MAP3K20: variants seen among roughly 807,000 people sequenced by gnomAD.
MAP3K20 encodes the protein mitogen-activated protein kinase kinase kinase 20, also known as HCCS-4.
A neutral mutation model predicts 85.7 loss-of-function variants in MAP3K20; 40 were observed. The observed-to-expected ratio is 0.47, with a 90% confidence interval of 0.36 to 0.61. The LOEUF (loss-of-function observed/expected upper bound fraction) is 0.61, where lower values mean the gene tolerates loss of function less well. Ranked by LOEUF, MAP3K20 falls within the 20% of genes least tolerant of loss-of-function variation. MAP3K20 has a pLI of 0.00. For missense variants in MAP3K20, 817 were observed against 961.7 expected (o/e 0.85, Z 1.99); for synonymous variants, 325 against 327.7 (o/e 0.99, Z 0.09).
intron 2 of MAP3K20, among the ~76,000 whole-genome samples, chr2:173,098,347 C>T (rs1687524091): frequency 6.6e-6 from 1 of 152,152 alleles, no homozygotes; most frequent in African/African-American, 2.4e-5. Context: ...ATTCAAAAAG[C>T]TCCAAAATCA....
At chr2:173,141,780 T>C (rs1041771596) in intron 2 of MAP3K20, among the ~76,000 whole-genome samples, 6 of 152,018 alleles carry the variant, frequency 3.9e-5, no homozygotes, top group Non-Finnish European at 4.4e-5. Flanking sequence ...AGTCACATCA[T>C]AGTTAAACTG....
intron 16 of MAP3K20, among the ~76,000 whole-genome samples, chr2:173,255,339 C>T (rs1307024586): frequency 2.0e-5 from 3 of 152,206 alleles, no homozygotes; most frequent in East Asian, 3.9e-4. Flanking sequence ...TGCCACCTCT[C>T]CCGCTTGTCT....
intron 9 of MAP3K20, among the ~76,000 whole-genome samples, chr2:173,205,124 A>C (rs1683639669): frequency 6.7e-6 from 1 of 149,408 alleles, no homozygotes; most frequent in Non-Finnish European, 1.5e-5. Flanking sequence ...AAAAAAAAAT[A>C]AATAAATAAA....
chr2:173,075,806 G>C (rs929178351), upstream of MAP3K20: 15 of 985,394 alleles, frequency 1.5e-5, no homozygotes, highest in Middle Eastern at 1.0e-3. Flanking sequence ...CAGCCGTTTC[G>C]CGCCGGGAGG....
chr2:173,242,724 T>A (rs1209786378), intron 16 of MAP3K20, among the ~76,000 whole-genome samples: 5 of 117,604 alleles, frequency 4.3e-5, no homozygotes, highest in Non-Finnish European at 9.4e-5. Flanking sequence ...TTTTTTTTTT[T>A]AAGACAGAGT....
chr2:173,180,102 A>G (rs1294456665), intron 3 of MAP3K20, among the ~76,000 whole-genome samples: 1 of 152,204 alleles, frequency 6.6e-6, no homozygotes, highest in Non-Finnish European at 1.5e-5. Flanking sequence ...TTTTTTAGAA[A>G]TTAACAAGCC....
chr2:173,078,324 C>T (rs1353136131), intron 1 of MAP3K20, among the ~76,000 whole-genome samples: 1 of 152,130 alleles, frequency 6.6e-6, no homozygotes, highest in African/African-American at 2.4e-5. Flanking sequence ...CACTTGTTTT[C>T]CATTTTATTC....
chr2:173,197,895 C>T (rs1014751619), intron 7 of MAP3K20, 131 bp from the exon 8 acceptor site: 9 of 583,400 alleles, frequency 1.5e-5, no homozygotes, highest in Non-Finnish European at 2.2e-5. Context: ...AATTGTTTTG[C>T]CCAAGTTTCT....
intron 2 of MAP3K20, among the ~76,000 whole-genome samples, chr2:173,118,239 TA>T (rs978242646): frequency 9.9e-5 from 15 of 152,210 alleles, no homozygotes; most frequent in Non-Finnish European, 1.8e-4. Context: ...TTTAAGAAGA[TA>T]AAAATCCTAC....
chr2:173,258,032 C>T (rs1000979318), intron 16 of MAP3K20, among the ~76,000 whole-genome samples: 2 of 152,132 alleles, frequency 1.3e-5, no homozygotes, highest in Admixed American at 1.3e-4. Context: ...ATTAAAGGAC[C>T]TAGCAAAACT....
chr2:173,097,532 A>G (rs771047973), intron 2 of MAP3K20, among the ~76,000 whole-genome samples: 33 of 152,294 alleles, frequency 2.2e-4, no homozygotes, highest in Middle Eastern at 3.4e-3. Context: ...TTGATACTCA[A>G]TTGAATCAAA....
chr2:173,178,007 GAA>G (rs1690214322), intron 3 of MAP3K20, among the ~76,000 whole-genome samples: 1 of 151,964 alleles, frequency 6.6e-6, no homozygotes, highest in Non-Finnish European at 1.5e-5. Flanking sequence ...ACAGAAAACA[GAA>G]AAGCAATAGC....
intron 1 of MAP3K20, among the ~76,000 whole-genome samples, chr2:173,077,174 T>C (rs1686886414): frequency 6.6e-6 from 1 of 152,156 alleles, no homozygotes; most frequent in Non-Finnish European, 1.5e-5. Context: ...TGTTGAAAAC[T>C]GTACTCCTTC....
chr2:173,193,535 T>C (rs569701425), intron 7 of MAP3K20, among the ~76,000 whole-genome samples: 1 of 152,260 alleles, frequency 6.6e-6, no homozygotes, highest in African/African-American at 2.4e-5. Context: ...TGAGATGAAG[T>C]ACAATCTTAG....
chr2:173,161,104 G>T (rs139947559), intron 2 of MAP3K20, among the ~76,000 whole-genome samples: 17 of 152,120 alleles, frequency 1.1e-4, no homozygotes, highest in Non-Finnish European at 2.2e-4. Context: ...TTAAGTACAC[G>T]GCAAAGAAAA....
intron 7 of MAP3K20, among the ~76,000 whole-genome samples, chr2:173,194,775 T>A (rs1041064057): frequency 8.6e-5 from 13 of 151,964 alleles, no homozygotes; most frequent in East Asian, 5.8e-4. Flanking sequence ...GTTTTTTTTT[T>A]AAAATCCACC....
At chr2:173,102,151 A>G (rs1687655911) in intron 2 of MAP3K20, among the ~76,000 whole-genome samples, 1 of 152,228 alleles carries the variant, frequency 6.6e-6, no homozygotes, top group Non-Finnish European at 1.5e-5. Flanking sequence ...AGCAGTCAAT[A>G]ATGGATAGGA....
intron 11 of MAP3K20, among the ~76,000 whole-genome samples, chr2:173,219,050 T>G (rs113207994): frequency 1.7e-3 from 258 of 152,354 alleles, no homozygotes; most frequent in Middle Eastern, 3.4e-3. Flanking sequence ...TTGCTTTTAA[T>G]GTGTCTTCTG....
chr2:173,231,043 A>C (rs577541183), intron 12 of MAP3K20, among the ~76,000 whole-genome samples: 4 of 152,214 alleles, frequency 2.6e-5, no homozygotes, highest in African/African-American at 9.6e-5. Flanking sequence ...GACTTATGCT[A>C]TCCAGGTCTA....
Sources: allele counts gnomAD v4.1 joint callset (sites outside exome capture counted in the v4.1 genomes callset), GRCh38; gene constraint gnomAD v4.1.1; transcripts MANE v1.5; gene names NCBI Gene and HGNC (gene_info 2026-07-23, HGNC 2026-07-21).